Variants in FN3KRP observed in about 807,000 individuals in gnomAD.
The protein encoded by FN3KRP is ketosamine-3-kinase.
In FN3KRP, 33 loss-of-function variants were observed where a neutral mutation model predicts 29.8. That is an observed-to-expected ratio of 1.11 (90% confidence interval 0.84 to 1.48). The LOEUF is 1.48. Among genes scored for constraint, FN3KRP ranks in the 40% most tolerant of loss-of-function variants. The pLI, the probability that FN3KRP is intolerant of heterozygous loss-of-function variation, is 0.00. For synonymous variants in FN3KRP, 157 were observed against 155.2 expected, an observed-to-expected ratio of 1.01 and a Z score of -0.09; for missense variants, 430 against 402.6, an observed-to-expected ratio of 1.07 and a Z score of -0.58.
intron 1 of FN3KRP, among the ~76,000 whole-genome samples, chr17:82,717,488 G>C (rs1471353037): frequency 1.3e-5 from 2 of 152,212 alleles, no homozygotes; most frequent in African/African-American, 4.8e-5. Context: ...GGGAGACAGA[G>C]GTGGGTGGAG....
chr17:82,723,784 C>T (rs1385885392), intron 4 of FN3KRP, among the ~76,000 whole-genome samples: 2 of 151,558 alleles, frequency 1.3e-5, no homozygotes, highest in African/African-American at 4.9e-5. Flanking sequence ...GTGGTAAGCA[C>T]CTGTGACCTG....
intron 3 of FN3KRP, chr17:82,722,548 G>A (rs1385869596): frequency 1.8e-5 from 8 of 442,146 alleles, no homozygotes; most frequent in East Asian, 4.0e-5. Flanking sequence ...GCCCCTGCTC[G>A]GGAGCAGCTA....
Position 82,727,526 on chromosome 17 carries a change from A to G in FN3KRP, c.*355A>G. 4.8e-6 allele frequency: 1 copy of G among 209,768 alleles called. No homozygotes were observed. The highest frequency in any genetic ancestry group is 9.7e-6 in the Non-Finnish European group (1 of 103,490). The allele number at this position is 209,768 out of a possible 1,614,324, so 13.0% of individuals were successfully genotyped here. A position where few individuals can be genotyped will look rare whatever the true frequency, so the allele number is the denominator to read the frequency against. On this transcript the variant is annotated 3_prime_UTR_variant, in exon 6 of 6. Coordinates refer to ENST00000269373, the MANE Select transcript of FN3KRP (RefSeq NM_024619.4). ...AGGGAGGTGGCCAGCGCCCCCGGGCACTGCTGCTCATAGGTACCTTTCCAC... is the reference window on the plus strand; with the variant it reads ...AGGGAGGTGGCCAGCGCCCCCGGGCGCTGCTGCTCATAGGTACCTTTCCAC...
intron 4 of FN3KRP, among the ~76,000 whole-genome samples, chr17:82,724,468 G>A (rs1319442666): frequency 6.6e-6 from 1 of 152,094 alleles, no homozygotes; most frequent in African/African-American, 2.4e-5. Context: ...GCCGGGCATG[G>A]TGGTGCGCAC....
At chr17:82,726,103 C>T (rs564832318) in intron 4 of FN3KRP, among the ~76,000 whole-genome samples, 1 of 152,162 alleles carries the variant, frequency 6.6e-6, no homozygotes, top group South Asian at 2.1e-4. Context: ...TTGCTTGAAC[C>T]CGGGAGGCAG....
At chr17:82,719,456 C>T (rs1314362351) in intron 2 of FN3KRP, among the ~76,000 whole-genome samples, 1 of 152,254 alleles carries the variant, frequency 6.6e-6, no homozygotes, top group Non-Finnish European at 1.5e-5. Context: ...GAGATGCTGA[C>T]CAAAGGCCTC....
At chr17:82,726,195 G>T (rs888600977) in intron 4 of FN3KRP, among the ~76,000 whole-genome samples, 2 of 150,838 alleles carry the variant, frequency 1.3e-5, no homozygotes, top group Non-Finnish European at 3.0e-5. Context: ...AAAAGAAAAA[G>T]AAAAAAAAAT....
chr17:82,720,162 T>C lies in FN3KRP; in HGVS notation c.294-110T>C. Reference sequence around the variant, plus strand: ...GCCTGGGTGACAGAGCGAGACTCCATCTCAAAAAAATAAAAAAGTTTGACC... The same window carrying C: ...GCCTGGGTGACAGAGCGAGACTCCACCTCAAAAAAATAAAAAAGTTTGACC... On this transcript the variant is annotated intron_variant, in intron 2 of 5. Transcript: ENST00000269373. 5.2e-6 allele frequency: 4 copies of C among 775,230 alleles called. No individual in the cohort carries two copies. In the South Asian group the frequency reaches 6.9e-5, roughly 13 times the overall value. The allele number at this position is 775,230 out of a possible 1,614,324, so 48.0% of individuals were successfully genotyped here.
rs771359781 is a variant in FN3KRP at position 82,719,041 on chromosome 17, A to G, written c.277A>G (p.Met93Val). 8.1e-6 allele frequency: 13 copies of G among 1,612,562 alleles called. 1 individual carries two copies. In the South Asian group the frequency reaches 1.1e-4, roughly 14 times the overall value. ...CGTGCTGGTGATGGAGCACATGGAC[A>G]TGAGGCATCTGAGCAGGTGCATCTT... Reference protein sequence around the residue: ...GSVLVMEHMDMRHLSSHAAKL... With the variant: ...GSVLVMEHMDVRHLSSHAAKL... The change falls in exon 2 of 6, where the codon ATG becomes GTG. Residue 93 changes from methionine (M) to valine (V), a missense_variant. Transcript: ENST00000269373.
chr17:82,717,292 C>T (rs148395579), intron 1 of FN3KRP, among the ~76,000 whole-genome samples: 257 of 152,330 alleles, frequency 1.7e-3, no homozygotes, highest in Admixed American at 2.4e-3. Flanking sequence ...TGCTTAAGTC[C>T]TCAGCTTAAG....
chr17:82,724,254 A>G (rs1474550622), intron 4 of FN3KRP, among the ~76,000 whole-genome samples: 2 of 152,136 alleles, frequency 1.3e-5, no homozygotes, highest in Admixed American at 1.3e-4. Flanking sequence ...TGATTGCACC[A>G]CTGCACTCCA....
chr17:82,717,526 T>C (rs1429195971), intron 1 of FN3KRP, among the ~76,000 whole-genome samples: 2 of 122,944 alleles, frequency 1.6e-5, no homozygotes, highest in African/African-American at 3.2e-5. Context: ...GAGACCAGCC[T>C]GGCCAACAAG....
intron 1 of FN3KRP, chr17:82,718,657 A>G (rs180830780): frequency 9.4e-4 from 1,177 of 1,254,122 alleles, no homozygotes; most frequent in Non-Finnish European, 1.1e-3. Flanking sequence ...GAACCTCCCA[A>G]TTCAACCACA....
rs2046836880 is a variant in FN3KRP at position 82,726,365 on chromosome 17, C to T, written c.469-115C>T. 4 of 1,339,808 alleles carry T rather than the reference C, an allele frequency of 3.0e-6. No homozygotes were observed. The East Asian group carries it at 7.1e-5, about 24-fold the overall frequency. 83.0% of individuals were successfully genotyped at this position (1,339,808 alleles called of 1,614,324 possible). A position where few individuals can be genotyped will look rare whatever the true frequency, so the allele number is the denominator to read the frequency against. ...CCCCTCAGGCTCCTGTGACTGCCAC[C>T]CCTCCCACGTGCCGCTCCTGCAGCC... On this transcript the variant is annotated intron_variant, in intron 4 of 5. Transcript: ENST00000269373.
rs751034239 is a variant in FN3KRP at position 82,718,803 on chromosome 17, CTTGGT to C, written c.142-99_142-95del. The C allele has an allele frequency of 1.6e-4, 228 of 1,399,304 alleles. 1 individual carries two copies. The highest frequency in any genetic ancestry group is 8.4e-4 in the South Asian group (65 of 77,278). 86.7% of individuals were successfully genotyped at this position (1,399,304 alleles called of 1,614,324 possible). A position where few individuals can be genotyped will look rare whatever the true frequency, so the allele number is the denominator to read the frequency against. ...GTATGGAATCCTCAGTCAGGATAGT[CTTGGT>C]TTGAAGTTGTAATGCTAGAGGAAAA... On this transcript the variant is annotated intron_variant, in intron 1 of 5. Transcript: ENST00000269373.
Position 82,723,664 on chromosome 17 carries a change from C to CGCACATGTGTGTGT in FN3KRP, c.468+780_468+781insACATGTGTGTGTGC, listed in dbSNP as rs1568061502. On this transcript the variant is annotated intron_variant, in intron 4 of 5. Transcript: ENST00000269373. ...GTGTGTGCATGTGTGTACGCGTGTG[C>CGCACATGTGTGTGT]GCGCACATGTATGTGTGCAGGCGTG... Among the ~76,000 whole-genome samples the CGCACATGTGTGTGT allele has an allele frequency of 1.3e-4, 19 of 151,846 alleles. 1 individual carries two copies. Among genetic ancestry groups the CGCACATGTGTGTGT allele is most frequent in the Middle Eastern group, 6.8e-3 (2 of 294 alleles).
Position 82,727,245 on chromosome 17 carries a change from C to A in FN3KRP, c.*74C>A. The A allele has an allele frequency of 7.4e-7, 1 of 1,350,806 alleles. No homozygotes were observed. The highest frequency in any genetic ancestry group is 1.3e-5 in the South Asian group (1 of 74,832). 83.7% of individuals were successfully genotyped at this position (1,350,806 alleles called of 1,614,324 possible). A position where few individuals can be genotyped will look rare whatever the true frequency, so the allele number is the denominator to read the frequency against. On this transcript the variant is annotated 3_prime_UTR_variant, in exon 6 of 6. Coordinates refer to ENST00000269373, the MANE Select transcript of FN3KRP (RefSeq NM_024619.4). Reference sequence around the variant, plus strand: ...TTCTGGGCAAATTCTTGTTTCTTCACATGCTGGACTAGCTTAAGACCAATG... The same window carrying A: ...TTCTGGGCAAATTCTTGTTTCTTCAAATGCTGGACTAGCTTAAGACCAATG...
chr17:82,727,516 GCC>G lies in FN3KRP; in HGVS notation c.*349_*350del. The G allele has an allele frequency of 4.6e-6, 1 of 218,310 alleles. No homozygotes were observed. Among genetic ancestry groups the G allele is most frequent in the Non-Finnish European group, 9.2e-6 (1 of 109,024 alleles). 13.5% of individuals were successfully genotyped at this position (218,310 alleles called of 1,614,324 possible). Reference sequence around the variant, plus strand: ...TCCGGTGCGCAGGGAGGTGGCCAGCGCCCCCGGGCACTGCTGCTCATAGGTAC... The same window carrying G: ...TCCGGTGCGCAGGGAGGTGGCCAGCGCCCGGGCACTGCTGCTCATAGGTAC... On this transcript the variant is annotated 3_prime_UTR_variant, in exon 6 of 6. Transcript: ENST00000269373.
chr17:82,727,757 G>C lies in FN3KRP; in HGVS notation c.*586G>C, dbSNP rs746839593. 1 of 152,426 alleles carries C rather than the reference G, an allele frequency of 6.6e-6. No individual in the cohort carries two copies. Among genetic ancestry groups the C allele is most frequent in the Non-Finnish European group, 1.5e-5 (1 of 68,204 alleles). The allele number at this position is 152,426 out of a possible 1,614,324, so 9.4% of individuals were successfully genotyped here. On this transcript the variant is annotated 3_prime_UTR_variant, in exon 6 of 6. Coordinates refer to ENST00000269373, the MANE Select transcript of FN3KRP (RefSeq NM_024619.4). Reference sequence around the variant, plus strand: ...CTGAGCAAGTCTGTAAACTGATTCTGGGAGAAACCAAGCTGCTGGCCATAG... The same window carrying C: ...CTGAGCAAGTCTGTAAACTGATTCTCGGAGAAACCAAGCTGCTGGCCATAG...
Sources: gnomAD v4.1 joint callset for allele counts (sites outside exome capture counted in the v4.1 genomes callset) on GRCh38, gnomAD v4.1.1 for gene constraint, MANE v1.5 for transcripts, NCBI Gene and HGNC (gene_info 2026-07-23, HGNC 2026-07-21) for gene names.